The following SENP7 variants were observed in gnomAD, a reference collection of about 807,000 sequenced individuals.
SENP7 encodes SUMO specific peptidase 7.
In SENP7, 64 loss-of-function variants were observed where a neutral mutation model predicts 141.2. That is an observed-to-expected ratio of 0.45 (90% CI 0.37 to 0.56). The LOEUF (loss-of-function observed/expected upper bound fraction) is 0.56, where lower values mean the gene tolerates loss of function less well. Ranked by LOEUF, SENP7 falls within the 20% of genes least tolerant of loss-of-function variation. The pLI is 0.00. For missense variants in SENP7, 1,025 were observed against 1,212.2 expected, an observed-to-expected ratio of 0.85 and a Z score of 2.29; for synonymous variants, 382 against 426.4, an observed-to-expected ratio of 0.90 and a Z score of 1.28.
chr3:101,399,124 A>G (rs2061058820), intron 5 of SENP7, 69 bp from the exon 6 acceptor site: 4 of 1,049,346 alleles, frequency 3.8e-6, no homozygotes, highest in Non-Finnish European at 5.2e-6. Flanking sequence ...TATTCCAGGA[A>G]GGTGAATTTT....
chr3:101,324,210 T>A lies in SENP7; in HGVS notation c.*1733A>T, dbSNP rs992050011. 1 of 152,054 alleles carries A rather than the reference T, an allele frequency of 6.6e-6. No individual in the cohort carries two copies. Among genetic ancestry groups the A allele is most frequent in the Non-Finnish European group, 1.5e-5 (1 of 67,988 alleles). 9.4% of individuals were successfully genotyped at this position (152,054 alleles called of 1,614,324 possible). On this transcript the variant is annotated 3_prime_UTR_variant, in exon 24 of 24. Transcript: ENST00000394095. ...ATTTCATGATATACACAGAGCAGCA[T>A]ACAACTGGAAATTTATTTCTAACAG...
chr3:101,333,676 C>A (rs2107131365), intron 17 of SENP7, among the ~76,000 whole-genome samples: 1 of 152,238 alleles, frequency 6.6e-6, no homozygotes, highest in African/African-American at 2.4e-5. Context: ...ATGTACCTAC[C>A]ACTCATCCAT....
chr3:101,400,162 C>T (rs1047064479), intron 5 of SENP7, among the ~76,000 whole-genome samples: 1 of 152,192 alleles, frequency 6.6e-6, no homozygotes, highest in African/African-American at 2.4e-5. Flanking sequence ...CTGGCCCAAG[C>T]CAAATTATTG....
chr3:101,358,385 T>G (rs561437862), intron 11 of SENP7: 1 of 492,882 alleles, frequency 2.0e-6, no homozygotes, highest in Admixed American at 2.5e-5. Flanking sequence ...TCCTCAACCC[T>G]TAATAAGCAT....
At chr3:101,438,216 A>C (rs1388250042) in intron 4 of SENP7, among the ~76,000 whole-genome samples, 1 of 152,212 alleles carries the variant, frequency 6.6e-6, no homozygotes, top group Non-Finnish European at 1.5e-5. Flanking sequence ...TAGAAACAAA[A>C]TGTGGCATGT....
At chr3:101,355,611 T>A (rs1387823604) in intron 11 of SENP7, among the ~76,000 whole-genome samples, 4 of 152,222 alleles carry the variant, frequency 2.6e-5, no homozygotes, top group Admixed American at 6.5e-5. Context: ...TTGGTTACTA[T>A]AGCTCTATAG....
rs542220697 is a variant in SENP7, at chr3:101,350,358, C to G, written c.1657+1260G>C. 3.5e-4 allele frequency among the ~76,000 whole-genome samples: 54 copies of G among 152,166 alleles called. No homozygotes were observed. The South Asian group carries it at 9.7e-3, about 27-fold the overall frequency. Reference sequence around the variant, plus strand: ...TATAAATACGGATAAATCAATTTTTCCCCAGCTGCACAGAAAAAGTGGAAA... The same window carrying G: ...TATAAATACGGATAAATCAATTTTTGCCCAGCTGCACAGAAAAAGTGGAAA... On this transcript the variant is annotated intron_variant, in intron 12 of 23. Transcript: ENST00000394095.
intron 3 of SENP7, among the ~76,000 whole-genome samples, chr3:101,469,015 G>A (rs572182977): frequency 6.6e-6 from 1 of 152,168 alleles, no homozygotes; most frequent in Admixed American, 6.5e-5. Flanking sequence ...AAGGGATGGA[G>A]GAAGATCTAC....
chr3:101,475,299 A>G (rs774779362), intron 3 of SENP7, among the ~76,000 whole-genome samples: 1 of 152,256 alleles, frequency 6.6e-6, no homozygotes, highest in Non-Finnish European at 1.5e-5. Flanking sequence ...ACACGGAATC[A>G]TCCCAAATGC....
At chr3:101,447,322 G>T (rs1393132987) in intron 4 of SENP7, among the ~76,000 whole-genome samples, 2 of 152,004 alleles carry the variant, frequency 1.3e-5, no homozygotes, top group African/African-American at 4.8e-5. Flanking sequence ...ATGCACCGGT[G>T]GTCCCAGAGA....
intron 9 of SENP7, among the ~76,000 whole-genome samples, chr3:101,365,871 T>G (rs1336055323): frequency 1.3e-5 from 2 of 152,126 alleles, no homozygotes; most frequent in Non-Finnish European, 2.9e-5. Flanking sequence ...TGAGGAGGCC[T>G]TAGTAACAAA....
intron 11 of SENP7, among the ~76,000 whole-genome samples, chr3:101,356,441 A>T (rs2059744702): frequency 6.6e-6 from 1 of 152,180 alleles, no homozygotes; most frequent in African/African-American, 2.4e-5. Flanking sequence ...TTTCAAAAAA[A>T]TTTTTTCAAG....
At chr3:101,393,301 A>C (rs2107552269) in intron 6 of SENP7, among the ~76,000 whole-genome samples, 1 of 152,324 alleles carries the variant, frequency 6.6e-6, no homozygotes, top group Non-Finnish European at 1.5e-5. Context: ...GATTTCACCC[A>C]AAAAGCACAG....
At position 101,459,104 on chromosome 3, in the gene SENP7, G is replaced by A. The variant is rs753214365; in HGVS notation, c.187-52C>T. On this transcript the variant is annotated intron_variant, in intron 3 of 23. Transcript: ENST00000394095. ...TAATAAACATATCAATATGACAAGA[G>A]GCATTTAAACTGTTCTTTTTTATTT... 4 of 1,045,882 alleles carry A rather than the reference G, an allele frequency of 3.8e-6. No individual in the cohort carries two copies. In the Admixed American group the frequency reaches 6.5e-5, roughly 17 times the overall value. The allele number at this position is 1,045,882 out of a possible 1,614,324, so 64.8% of individuals were successfully genotyped here.
At position 101,431,272 on chromosome 3, in the gene SENP7, C is replaced by T. The variant is rs145555726; in HGVS notation, c.285-13482G>A. Among the ~76,000 whole-genome samples the T allele has an allele frequency of 8.8e-3, 1,336 of 152,156 alleles. 16 individuals are homozygous for T. The highest frequency in any genetic ancestry group is 0.014 in the Middle Eastern group (4 of 294). On this transcript the variant is annotated intron_variant, in intron 4 of 23. Transcript: ENST00000394095. ...GTCTCATTGATCTGTCTAATATTAA[C>T]AGTAGGGTGTTAAAGTCTCCCACTA...
chr3:101,510,797 T>C (rs1171210666), intron 1 of SENP7, among the ~76,000 whole-genome samples: 2 of 139,162 alleles, frequency 1.4e-5, no homozygotes, highest in South Asian at 2.3e-4. Flanking sequence ...GGGTGGTAGA[T>C]TGTGCCACTG....
At chr3:101,391,949 T>G (rs1224373961) in intron 6 of SENP7, among the ~76,000 whole-genome samples, 2 of 152,142 alleles carry the variant, frequency 1.3e-5, no homozygotes, top group Non-Finnish European at 2.9e-5. Context: ...TACCTCATAT[T>G]AGAACGAAGG....
intron 11 of SENP7, among the ~76,000 whole-genome samples, chr3:101,360,112 T>A (rs2059855286): frequency 6.6e-6 from 1 of 152,062 alleles, no homozygotes; most frequent in Non-Finnish European, 1.5e-5. Flanking sequence ...ATGAATAAAA[T>A]TCCTTAAAGA....
chr3:101,449,250 G>A, intron 4 of SENP7, among the ~76,000 whole-genome samples: 1 of 152,184 alleles, frequency 6.6e-6, no homozygotes, highest in Non-Finnish European at 1.5e-5. Context: ...TCTGATTGGT[G>A]TACCTGAAAG....
Sources: gnomAD v4.1 joint callset for allele counts (sites outside exome capture counted in the v4.1 genomes callset) on GRCh38, gnomAD v4.1.1 for gene constraint, MANE v1.5 for transcripts, NCBI Gene and HGNC (gene_info 2026-07-23, HGNC 2026-07-21) for gene names.